ATP8B4: variants seen among roughly 807,000 people sequenced by gnomAD.
ATP8B4 encodes probable phospholipid-transporting ATPase IM.
ATP8B4 carries 133 observed loss-of-function variants against 145.6 expected under a neutral mutation model. The observed-to-expected ratio is 0.91, with a 90% CI of 0.79 to 1.05. The LOEUF is 1.05. Ranked by LOEUF, ATP8B4 falls within the 50% of genes least tolerant of loss-of-function variation. The probability of loss-of-function intolerance (pLI) is 0.00; values close to 1 mark genes in which losing one functional copy is unlikely to be tolerated. For synonymous variants in ATP8B4, 507 were observed against 492.9 expected, an observed-to-expected ratio of 1.03 and a Z score of -0.38; for missense variants, 1,458 against 1,425.2, an observed-to-expected ratio of 1.02 and a Z score of -0.37.
At chr15:49,945,154 A>G (rs1232256878) in intron 14 of ATP8B4, among the ~76,000 whole-genome samples, 2 of 152,152 alleles carry the variant, frequency 1.3e-5, no homozygotes, top group Non-Finnish European at 2.9e-5. Flanking sequence ...TGTAACAAAA[A>G]GCTAAAATAA....
intron 2 of ATP8B4, among the ~76,000 whole-genome samples, chr15:50,085,905 ATATATT>A (rs1168858308): frequency 1.0e-3 from 99 of 99,298 alleles, no homozygotes; most frequent in Non-Finnish European, 1.5e-3. Context: ...TATATATCAT[ATATATT>A]TATATATGAT....
intron 2 of ATP8B4, among the ~76,000 whole-genome samples, chr15:50,084,919 A>G (rs2054795951): frequency 6.6e-6 from 1 of 152,108 alleles, no homozygotes; most frequent in Non-Finnish European, 1.5e-5. Flanking sequence ...CACCCTCAAG[A>G]TCCCTTCACT....
chr15:50,104,000 AAATGGTGCTGGGAT>A (rs1441295967), intron 2 of ATP8B4, among the ~76,000 whole-genome samples: 14 of 152,348 alleles, frequency 9.2e-5, no homozygotes, highest in African/African-American at 3.4e-4. Flanking sequence ...CCAATTTAAC[AAATGGTGCTGGGAT>A]AATTGGCAAG....
intron 13 of ATP8B4, among the ~76,000 whole-genome samples, chr15:49,970,794 A>T (rs1567108928): frequency 6.6e-6 from 1 of 152,232 alleles, no homozygotes; most frequent in Non-Finnish European, 1.5e-5. Flanking sequence ...ATGGAACCAA[A>T]AAAGAGCCCA....
intron 8 of ATP8B4, among the ~76,000 whole-genome samples, chr15:50,001,908 C>G (rs2047923516): frequency 6.6e-6 from 1 of 152,088 alleles, no homozygotes; most frequent in Admixed American, 6.6e-5. Context: ...TCTAAGGAAT[C>G]TTACTGAAGA....
intron 16 of ATP8B4, among the ~76,000 whole-genome samples, chr15:49,926,979 G>A (rs1431870823): frequency 3.9e-5 from 6 of 152,058 alleles, no homozygotes; most frequent in South Asian, 4.2e-4. Context: ...TAAAGATCTC[G>A]TAAGAGCCTT....
intron 6 of ATP8B4, among the ~76,000 whole-genome samples, chr15:50,035,725 A>T (rs1407677867): frequency 1.3e-5 from 2 of 152,192 alleles, no homozygotes. Context: ...CAATTGCCCA[A>T]AGTCACACAG....
At chr15:50,153,536 A>G (rs1437898523) in intron 1 of ATP8B4, among the ~76,000 whole-genome samples, 1 of 152,086 alleles carries the variant, frequency 6.6e-6, no homozygotes, top group Non-Finnish European at 1.5e-5. Context: ...ACGGGGTTTC[A>G]CCGTGTTAGC....
At chr15:49,999,510 T>A (rs983956697) in intron 8 of ATP8B4, among the ~76,000 whole-genome samples, 27 of 152,050 alleles carry the variant, frequency 1.8e-4, no homozygotes, top group African/African-American at 5.8e-4. Flanking sequence ...ATTGTGCACA[T>A]GTACCCTAAA....
intron 14 of ATP8B4, among the ~76,000 whole-genome samples, chr15:49,946,977 C>T (rs1443367560): frequency 6.6e-6 from 1 of 152,184 alleles, no homozygotes; most frequent in Non-Finnish European, 1.5e-5. Context: ...AGCATTAGGT[C>T]ACCTGCCAGG....
chr15:50,117,186 A>T (rs2057181386), intron 1 of ATP8B4, among the ~76,000 whole-genome samples: 1 of 152,120 alleles, frequency 6.6e-6, no homozygotes, highest in Admixed American at 6.6e-5. Context: ...AGTAGTTGAG[A>T]TTACAGGAGC....
In ATP8B4 at chr15:50,146,099, G is replaced by A. The variant is rs575867053; in HGVS notation, c.-43+36162C>T. Among the ~76,000 whole-genome samples the A allele has an allele frequency of 1.6e-3, 227 of 144,210 alleles. 1 individual carries two copies. The highest frequency in any genetic ancestry group is 2.5e-3 in the Non-Finnish European group (165 of 67,196). 94.6% of individuals were successfully genotyped at this position (144,210 alleles called of 152,430 possible). A position where few individuals can be genotyped will look rare whatever the true frequency, so the allele number is the denominator to read the frequency against. ...GCGATCTCGGGTCACTGCAACCTCT[G>A]CCCTCTGAGTTCAAGTGGTTCACCT... On this transcript the variant is annotated intron_variant, in intron 1 of 3. Transcript: ENST00000558829.
chr15:50,112,605 G>A (rs1466757568), intron 1 of ATP8B4, among the ~76,000 whole-genome samples: 2 of 152,044 alleles, frequency 1.3e-5, no homozygotes, highest in African/African-American at 4.8e-5. Context: ...CAAGGTTCAA[G>A]TCCCAGTTCA....
chr15:49,993,012 C>G (rs1336607102), intron 9 of ATP8B4, among the ~76,000 whole-genome samples: 1 of 151,950 alleles, frequency 6.6e-6, no homozygotes, highest in Admixed American at 6.6e-5. Context: ...CTGAAATCTA[C>G]TGATATTTCA....
intron 26 of ATP8B4, among the ~76,000 whole-genome samples, chr15:49,865,391 T>G (rs1465418859): frequency 1.3e-5 from 2 of 152,136 alleles, no homozygotes; most frequent in East Asian, 3.9e-4. Context: ...AGTAAATGGG[T>G]CTCCCTGAGT....
In ATP8B4 at chr15:49,920,340, T is replaced by C. The variant is rs1369139471; in HGVS notation, c.1829A>G (p.Glu610Gly). 5 of 1,614,244 alleles carry C rather than the reference T, an allele frequency of 3.1e-6. No homozygotes were observed. The highest frequency in any genetic ancestry group is 2.2e-5 in the East Asian group (1 of 44,890). ...CGCATCTTCAAGCATCTTATGCCAC[T>C]CTTTAAAGTACTTGTCATCCAGGTC... ...YRDLDDKYFK[E>G]WHKMLEDANA... Residue 610 changes from glutamate (E) to glycine (G), a missense_variant, in exon 18 of 28, where the codon GAG (glutamate) becomes GGG (glycine). By Grantham distance (98) the Glu-to-Gly change is moderately conservative. Transcript: ENST00000284509.
intron 1 of ATP8B4, among the ~76,000 whole-genome samples, chr15:50,112,993 T>C (rs2057023321): frequency 6.6e-6 from 1 of 151,960 alleles, no homozygotes; most frequent in African/African-American, 2.4e-5. Context: ...AGGAGCTGGG[T>C]CTTAGGATGT....
intron 1 of ATP8B4, among the ~76,000 whole-genome samples, chr15:50,125,268 C>T (rs1402112793): frequency 6.6e-6 from 1 of 152,166 alleles, no homozygotes; most frequent in East Asian, 1.9e-4. Flanking sequence ...GGTCTTTTAA[C>T]ACTCACTCCA....
intron 2 of ATP8B4, among the ~76,000 whole-genome samples, chr15:50,085,414 G>C (rs1239637942): frequency 6.6e-6 from 1 of 152,074 alleles, no homozygotes; most frequent in Non-Finnish European, 1.5e-5. Flanking sequence ...GCAACTACAT[G>C]AGTTTGTGTT....
Sources: gnomAD v4.1 joint callset for allele counts (sites outside exome capture counted in the v4.1 genomes callset) on GRCh38, gnomAD v4.1.1 for gene constraint, MANE v1.5 for transcripts, NCBI Gene and HGNC (gene_info 2026-07-23, HGNC 2026-07-21) for gene names.